Variants in AQP9 observed in about 807,000 individuals in gnomAD.
The protein encoded by AQP9 is aquaporin-9.
Under a neutral mutation model 23.8 loss-of-function variants are expected in AQP9, and 19 were observed. The ratio of observed to expected loss-of-function variants is 0.80; its 90% CI spans 0.56 to 1.17. AQP9 has a LOEUF of 1.17. Ranked by LOEUF, AQP9 falls within the 50% of genes most tolerant of loss-of-function variation. The pLI is 0.00. For missense variants in AQP9, 413 were observed against 362.0 expected (o/e 1.14, Z -1.14); for synonymous variants, 153 against 131.5 (o/e 1.16, Z -1.12).
intron 1 of AQP9, among the ~76,000 whole-genome samples, chr15:58,139,975 G>C (rs1021178986): frequency 5.3e-5 from 8 of 152,150 alleles, no homozygotes; most frequent in African/African-American, 1.9e-4. Flanking sequence ...GAAGATGAAA[G>C]TCAGTGATTC....
chr15:58,152,415 C>T (rs1476045282), intron 1 of AQP9: 1 of 152,126 alleles, frequency 6.6e-6, no homozygotes, highest in Admixed American at 6.5e-5. Context: ...GTATTAAATG[C>T]TCATTTACAC....
At chr15:58,181,101 G>A (rs1595748179) in intron 5 of AQP9, among the ~76,000 whole-genome samples, 6 of 152,156 alleles carry the variant, frequency 3.9e-5, no homozygotes, top group Admixed American at 3.9e-4. Context: ...GAGACATGGT[G>A]GTTCCAAAAC....
intron 1 of AQP9, among the ~76,000 whole-genome samples, chr15:58,141,871 C>A (rs1254248045): frequency 1.3e-5 from 2 of 152,172 alleles, no homozygotes; most frequent in African/African-American, 2.4e-5. Flanking sequence ...ACAAAAGAAT[C>A]TATGGTCAGG....
At chr15:58,141,470 G>C in intron 1 of AQP9, among the ~76,000 whole-genome samples, 1 of 151,978 alleles carries the variant, frequency 6.6e-6, no homozygotes, top group East Asian at 1.9e-4. Context: ...TCTTAGAATG[G>C]AAAAAAATGC....
intron 2 of AQP9, 92 bp from the exon 3 acceptor site, chr15:58,172,976 A>ATTCAG: frequency 6.5e-7 from 1 of 1,528,756 alleles, no homozygotes; most frequent in Admixed American, 1.7e-5. Context: ...TTCTCTGCCT[A>ATTCAG]GAAGACTGAA....
chr15:58,185,623 T>C lies in AQP9; in HGVS notation c.*1488T>C, dbSNP rs1311182096. The C allele has an allele frequency of 6.6e-6, 1 of 152,214 alleles. No individual in the cohort carries two copies. Among genetic ancestry groups the C allele is most frequent in the African/African-American group, 2.4e-5 (1 of 41,454 alleles). The allele number at this position is 152,214 out of a possible 1,614,324, so 9.4% of individuals were successfully genotyped here. The stretch of plus-strand genomic sequence containing the variant: ...CTGGCTCAGTCTTTTCCCCTTGAAG[T>C]TCTCTAATAGATGTTACTTTTGACA... On this transcript the variant is annotated 3_prime_UTR_variant, in exon 6 of 6. Transcript: ENST00000219919.
At chr15:58,176,999 C>G (rs1164901546) in intron 4 of AQP9, among the ~76,000 whole-genome samples, 6 of 151,968 alleles carry the variant, frequency 3.9e-5, no homozygotes, top group African/African-American at 1.5e-4. Flanking sequence ...TGTATAAAGT[C>G]AAGTAGAAAA....
Position 58,184,205 on chromosome 15 carries a change from T to G in AQP9, c.*70T>G. 1 of 1,524,070 alleles carries G rather than the reference T, an allele frequency of 6.6e-7. No individual in the cohort carries two copies. Among genetic ancestry groups the G allele is most frequent in the Non-Finnish European group, 9.0e-7 (1 of 1,116,614 alleles). 94.4% of individuals were successfully genotyped at this position (1,524,070 alleles called of 1,614,324 possible). On this transcript the variant is annotated 3_prime_UTR_variant, in exon 6 of 6. Coordinates refer to ENST00000219919, the MANE Select transcript of AQP9 (RefSeq NM_020980.5). ...CAGAAAGATGGCATCTAAGTGTCTGTGTTCTTGTAAGCCTGAGGTGGAATC... is the reference window on the plus strand; with the variant it reads ...CAGAAAGATGGCATCTAAGTGTCTGGGTTCTTGTAAGCCTGAGGTGGAATC...
intron 4 of AQP9, among the ~76,000 whole-genome samples, chr15:58,178,661 T>C (rs1214001177): frequency 6.6e-6 from 1 of 152,258 alleles, no homozygotes; most frequent in East Asian, 1.9e-4. Flanking sequence ...GCTTTCCTAA[T>C]TCTGTTTTCC....
Position 58,163,637 on chromosome 15 carries a change from G to A in AQP9, c.112-3036G>A, listed in dbSNP as rs558389724. On this transcript the variant is annotated intron_variant, in intron 1 of 5. Transcript: ENST00000219919. ...CCTAAAAATGCTTTCTAGATAGGGA[G>A]ACCAGGAAAATCAAGATAGGGTGGA... Among the ~76,000 whole-genome samples, 299 of 152,268 alleles carry A rather than the reference G, an allele frequency of 2.0e-3. 4 individuals carry two copies. Among genetic ancestry groups the A allele is most frequent in the South Asian group, 1.0e-2 (48 of 4,822 alleles).
chr15:58,143,938 G>A (rs1165612625), intron 1 of AQP9, among the ~76,000 whole-genome samples: 1 of 152,180 alleles, frequency 6.6e-6, no homozygotes, highest in Non-Finnish European at 1.5e-5. Flanking sequence ...TGATTTCAAA[G>A]TTGTACTTCC....
At chr15:58,177,610 A>C (rs1898787818) in intron 4 of AQP9, among the ~76,000 whole-genome samples, 1 of 152,240 alleles carries the variant, frequency 6.6e-6, no homozygotes, top group Non-Finnish European at 1.5e-5. Flanking sequence ...TCTGCTTACA[A>C]GTTTGACATT....
intron 1 of AQP9, among the ~76,000 whole-genome samples, chr15:58,142,817 A>C (rs2140582452): frequency 6.6e-6 from 1 of 152,096 alleles, no homozygotes; most frequent in South Asian, 2.1e-4. Context: ...AAAACCATCC[A>C]TCTCTCCAAG....
chr15:58,172,408 T>G (rs1183233009), intron 2 of AQP9, among the ~76,000 whole-genome samples: 1 of 152,220 alleles, frequency 6.6e-6, no homozygotes, highest in African/African-American at 2.4e-5. Flanking sequence ...TATGGCTGGA[T>G]GCAAGTCAAG....
chr15:58,158,009 G>C (rs1446496628), intron 1 of AQP9, among the ~76,000 whole-genome samples: 1 of 152,138 alleles, frequency 6.6e-6, no homozygotes, highest in Non-Finnish European at 1.5e-5. Context: ...TCCTGGTAAA[G>C]ACCAGGAACT....
chr15:58,165,001 CT>C (rs1490354890), intron 1 of AQP9, among the ~76,000 whole-genome samples: 1 of 152,126 alleles, frequency 6.6e-6, no homozygotes, highest in African/African-American at 2.4e-5. Flanking sequence ...TTGTTAATCT[CT>C]TTTTCCAAAA....
chr15:58,160,076 A>G (rs1428059284), intron 1 of AQP9, among the ~76,000 whole-genome samples: 2 of 151,854 alleles, frequency 1.3e-5, no homozygotes, highest in Non-Finnish European at 2.9e-5. Flanking sequence ...TTTCTTAGGA[A>G]CCTCCACACT....
At chr15:58,162,845 T>C (rs1898411883) in intron 1 of AQP9, among the ~76,000 whole-genome samples, 2 of 152,198 alleles carry the variant, frequency 1.3e-5, no homozygotes, top group Admixed American at 6.5e-5. Context: ...GCCACTCCAT[T>C]TGATACCAAG....
intron 1 of AQP9, among the ~76,000 whole-genome samples, chr15:58,157,100 A>T (rs1898279486): frequency 6.6e-6 from 1 of 152,300 alleles, no homozygotes; most frequent in Admixed American, 6.5e-5. Flanking sequence ...TGCTCTTTTA[A>T]TGCTTACTTC....
Sources: gnomAD v4.1 joint callset for allele counts (sites outside exome capture counted in the v4.1 genomes callset) on GRCh38, gnomAD v4.1.1 for gene constraint, MANE v1.5 for transcripts, NCBI Gene and HGNC (gene_info 2026-07-23, HGNC 2026-07-21) for gene names.